Variants in SKIC3 observed in about 807,000 individuals in gnomAD.
The protein encoded by SKIC3 is SKI3 subunit of superkiller complex.
At chr5:95,536,898 T>A in the SKIC3 span, 1 of 1,613,718 alleles carries the variant, frequency 6.2e-7, no homozygotes. Context: ...TCACAGGCCT[T>A]CTTCAATCTA....
the SKIC3 span, among the ~76,000 whole-genome samples, chr5:95,478,765 G>C: frequency 6.6e-6 from 1 of 151,922 alleles, no homozygotes; most frequent in African/African-American, 2.4e-5. Flanking sequence ...ACAGAATAAA[G>C]AAAAAGATTA....
chr5:95,491,094 A>C, the SKIC3 span: 1 of 1,605,382 alleles, frequency 6.2e-7, no homozygotes, highest in Non-Finnish European at 8.5e-7. Context: ...TTGCTTAAAA[A>C]CTATCAAAAA....
the SKIC3 span, among the ~76,000 whole-genome samples, chr5:95,510,883 T>A: frequency 6.6e-6 from 1 of 152,202 alleles, no homozygotes; most frequent in East Asian, 1.9e-4. Flanking sequence ...GGTGATTACC[T>A]ATCTATGAAG....
chr5:95,463,953 G>A, the SKIC3 span: 7 of 152,146 alleles, frequency 4.6e-5, no homozygotes, highest in African/African-American at 1.7e-4. Context: ...TGAAGGAATT[G>A]CATGATCAAT....
the SKIC3 span, chr5:95,540,570 G>T: frequency 7.7e-7 from 1 of 1,304,130 alleles, no homozygotes; most frequent in Non-Finnish European, 1.1e-6. Context: ...ATGAAAAGAT[G>T]TTCAACATTA....
chr5:95,511,000 T>C, the SKIC3 span, among the ~76,000 whole-genome samples: 5 of 152,248 alleles, frequency 3.3e-5, no homozygotes, highest in Non-Finnish European at 7.3e-5. Context: ...ACTGTAACCA[T>C]ATCTTTTGTG....
chr5:95,525,642 A>G, the SKIC3 span: 1 of 1,614,076 alleles, frequency 6.2e-7, no homozygotes, highest in African/African-American at 1.3e-5. Context: ...TTTGAGAACC[A>G]AAAGTCCTGG....
chr5:95,522,127 G>C, the SKIC3 span: 1 of 1,613,720 alleles, frequency 6.2e-7, no homozygotes, highest in African/African-American at 1.3e-5. Context: ...CCTTATATTT[G>C]CCTAGGATTT....
chr5:95,488,010 A>T, the SKIC3 span, among the ~76,000 whole-genome samples: 1 of 152,096 alleles, frequency 6.6e-6, no homozygotes, highest in South Asian at 2.1e-4. Flanking sequence ...AACCAAACAA[A>T]TTCTAGAAAT....
the SKIC3 span, among the ~76,000 whole-genome samples, chr5:95,496,273 C>T: frequency 6.6e-6 from 1 of 152,160 alleles, no homozygotes; most frequent in Non-Finnish European, 1.5e-5. Flanking sequence ...CCTCCTTGGC[C>T]TTCCAAAGTG....
chr5:95,495,218 A>C, the SKIC3 span: 3 of 559,634 alleles, frequency 5.4e-6, no homozygotes, highest in Non-Finnish European at 9.5e-6. Context: ...AATCTTTTCT[A>C]CTGTGACCAA....
At chr5:95,516,934 C>G in the SKIC3 span, 1 of 1,607,526 alleles carries the variant, frequency 6.2e-7, no homozygotes, top group Non-Finnish European at 8.5e-7. Flanking sequence ...ATTTCTCCAG[C>G]AACTCCTTAA....
chr5:95,483,721 C>T, the SKIC3 span, among the ~76,000 whole-genome samples: 1 of 152,196 alleles, frequency 6.6e-6, no homozygotes, highest in Non-Finnish European at 1.5e-5. Context: ...TTAACCATTA[C>T]ATTATTTCTA....
At chr5:95,506,600 T>C in the SKIC3 span, among the ~76,000 whole-genome samples, 1 of 152,170 alleles carries the variant, frequency 6.6e-6, no homozygotes, top group Non-Finnish European at 1.5e-5. Context: ...CTAATGTCCC[T>C]CCCCGGTTTA....
chr5:95,475,151 A>G, the SKIC3 span, among the ~76,000 whole-genome samples: 1 of 152,140 alleles, frequency 6.6e-6, no homozygotes, highest in African/African-American at 2.4e-5. Context: ...CCAGTAGGCT[A>G]CATTTGGAGG....
At chr5:95,517,213 C>A in the SKIC3 span, 18 of 1,613,346 alleles carry the variant, frequency 1.1e-5, no homozygotes, top group Admixed American at 3.3e-5. Flanking sequence ...CCTAGAAGGA[C>A]TCCTAAAACA....
chr5:95,528,187 C>G, the SKIC3 span: 1 of 1,612,768 alleles, frequency 6.2e-7, no homozygotes, highest in East Asian at 2.2e-5. Context: ...TGAAGACAGC[C>G]ATATCACTTC....
the SKIC3 span, chr5:95,468,026 C>A: frequency 3.1e-6 from 5 of 1,609,958 alleles, no homozygotes; most frequent in South Asian, 4.4e-5. Flanking sequence ...CCAAAGCATG[C>A]AAATTACCAT....
the SKIC3 span, among the ~76,000 whole-genome samples, chr5:95,476,994 C>T: frequency 0.45 from 67,752 of 151,972 alleles, 18,776 homozygotes; most frequent in African/African-American, 0.79. Flanking sequence ...TTCCCAGCAT[C>T]AACAAAAATC....
Sources: gnomAD v4.1 joint callset for allele counts (sites outside exome capture counted in the v4.1 genomes callset) on GRCh38, gnomAD v4.1.1 for gene constraint, MANE v1.5 for transcripts, NCBI Gene and HGNC (gene_info 2026-07-23, HGNC 2026-07-21) for gene names.